The following MYO16 variants were observed in gnomAD, a reference collection of about 807,000 sequenced individuals.
MYO16 encodes unconventional myosin-XVI.
A neutral mutation model predicts 205.3 loss-of-function variants in MYO16; 94 were observed. The observed-to-expected ratio is 0.46, with a 90% CI of 0.39 to 0.54. The LOEUF is 0.54. Ranked by LOEUF, MYO16 falls within the 20% of genes least tolerant of loss-of-function variation. The probability of loss-of-function intolerance (pLI) is 0.00; values close to 1 mark genes in which losing one functional copy is unlikely to be tolerated. For missense variants in MYO16, 2,315 were observed against 2,387.5 expected (o/e 0.97, Z 0.63); for synonymous variants, 988 against 954.0 (o/e 1.04, Z -0.66).
At chr13:108,843,765 AAAGTT>A (rs1255036070) in intron 9 of MYO16, among the ~76,000 whole-genome samples, 1 of 152,186 alleles carries the variant, frequency 6.6e-6, no homozygotes, top group Non-Finnish European at 1.5e-5. Flanking sequence ...AGAAAAATAA[AAAGTT>A]AAGTATCTTT....
chr13:108,712,534 A>G, intron 2 of MYO16, 127 bp from the exon 3 acceptor site: 1 of 789,458 alleles, frequency 1.3e-6, no homozygotes, highest in South Asian at 1.4e-5. Flanking sequence ...GTCAGATGGC[A>G]CAGAAGCCGT....
chr13:109,066,992 G>T (rs924126867), intron 27 of MYO16, among the ~76,000 whole-genome samples: 1 of 152,082 alleles, frequency 6.6e-6, no homozygotes, highest in Non-Finnish European at 1.5e-5. Flanking sequence ...CCACTCATTC[G>T]TTCATCATTC....
At chr13:108,785,528 G>A (rs948952076) in intron 4 of MYO16, 107 bp from the exon 5 acceptor site, 12 of 586,408 alleles carry the variant, frequency 2.0e-5, no homozygotes, top group South Asian at 8.3e-5. Flanking sequence ...GATATCTACC[G>A]TAGACTATTT....
chr13:108,790,863 A>T (rs1487060646), intron 5 of MYO16, among the ~76,000 whole-genome samples: 1 of 152,178 alleles, frequency 6.6e-6, no homozygotes, highest in African/African-American at 2.4e-5. Context: ...GTGATGTCTT[A>T]TCTCTGTTTT....
intron 16 of MYO16, among the ~76,000 whole-genome samples, chr13:108,948,931 A>C (rs1012451166): frequency 1.3e-5 from 2 of 152,228 alleles, no homozygotes; most frequent in Non-Finnish European, 2.9e-5. Flanking sequence ...TGGCTATGTT[A>C]TGGACTCACT....
intron 4 of MYO16, among the ~76,000 whole-genome samples, chr13:108,763,779 A>C (rs1408579101): frequency 7.4e-6 from 1 of 135,404 alleles, no homozygotes. Context: ...GGGGAGAGAG[A>C]AAAGGAGTTG....
chr13:108,881,379 C>T (rs1879608588), intron 12 of MYO16, among the ~76,000 whole-genome samples: 1 of 152,162 alleles, frequency 6.6e-6, no homozygotes, highest in Non-Finnish European at 1.5e-5. Context: ...AATCAGAGCG[C>T]TTCTTCTCTT....
the MYO16 span, among the ~76,000 whole-genome samples, chr13:108,525,982 AGAAAGACACCAGCTGGT>A: frequency 6.7e-6 from 1 of 148,812 alleles, no homozygotes; most frequent in Admixed American, 6.7e-5. Flanking sequence ...AGGAGAGATG[AGAAAGACACCAGCTGGT>A]GAATGCAGAA....
chr13:108,685,838 T>C (rs375228980), intron 2 of MYO16, among the ~76,000 whole-genome samples: 1 of 152,214 alleles, frequency 6.6e-6, no homozygotes, highest in East Asian at 1.9e-4. Context: ...TCTTCACATG[T>C]TCATCCTCTG....
rs887097604 is a variant in MYO16 at position 109,034,314 on chromosome 13, C to T, written c.2797-12602C>T. Among the ~76,000 whole-genome samples the T allele has an allele frequency of 2.6e-5, 4 of 152,322 alleles. No homozygotes were observed. The East Asian group carries it at 7.7e-4, about 29-fold the overall frequency. On this transcript the variant is annotated intron_variant, in intron 23 of 34. Coordinates refer to ENST00000457511, the MANE Select transcript of MYO16 (RefSeq NM_001198950.3). ...CATCTTGAATTGTAATCTCCATAATCCCCAAAGGAGAGACCAGGTGGAGGT... is the reference window on the plus strand; with the variant it reads ...CATCTTGAATTGTAATCTCCATAATTCCCAAAGGAGAGACCAGGTGGAGGT...
At chr13:109,117,438 GTATATATATGTA>G (rs1027107258) in intron 28 of MYO16, among the ~76,000 whole-genome samples, 6 of 141,316 alleles carry the variant, frequency 4.2e-5, no homozygotes, top group South Asian at 2.3e-4. Context: ...GTATATATAT[GTATATATATGTA>G]TATATATGTA....
At chr13:108,799,805 T>C (rs999767046) in intron 6 of MYO16, among the ~76,000 whole-genome samples, 1 of 152,062 alleles carries the variant, frequency 6.6e-6, no homozygotes, top group African/African-American at 2.4e-5. Flanking sequence ...TGGGTTACTA[T>C]TTTTCCTCTT....
At chr13:108,776,953 T>TCACAGACA (rs1178042355) in intron 4 of MYO16, among the ~76,000 whole-genome samples, 1 of 152,098 alleles carries the variant, frequency 6.6e-6, no homozygotes, top group African/African-American at 2.4e-5. Flanking sequence ...CTTGAGAGCA[T>TCACAGACA]CACAGACACA....
chr13:109,050,204 T>G (rs982582258), intron 24 of MYO16, among the ~76,000 whole-genome samples: 4 of 152,184 alleles, frequency 2.6e-5, no homozygotes, highest in African/African-American at 9.7e-5. Context: ...GATCATTGAT[T>G]GCATTTAGTT....
intron 16 of MYO16, among the ~76,000 whole-genome samples, chr13:108,929,542 C>T (rs992498267): frequency 9.2e-5 from 14 of 152,322 alleles, no homozygotes; most frequent in African/African-American, 3.4e-4. Flanking sequence ...GTGCATAACA[C>T]ACCATCATAC....
upstream of MYO16, among the ~76,000 whole-genome samples, chr13:108,594,646 T>C (rs960246117): frequency 6.6e-6 from 1 of 152,252 alleles, no homozygotes; most frequent in Admixed American, 6.5e-5. Context: ...ACTTCGGTGC[T>C]GGATAATTTC....
the MYO16 span, among the ~76,000 whole-genome samples, chr13:108,555,752 C>T: frequency 6.6e-6 from 1 of 152,178 alleles, no homozygotes; most frequent in Non-Finnish European, 1.5e-5. Flanking sequence ...CCCTCCTCCT[C>T]CTCCCCTTAC....
Position 108,888,403 on chromosome 13 carries a change from A to G in MYO16, c.1585A>G (p.Ser529Gly). Reference sequence around the variant, plus strand: ...AAGGGGATCAGGAAAGTCTGAAGCCAGCAAACAAATCATAAGACACCTCAC... The same window carrying G: ...AAGGGGATCAGGAAAGTCTGAAGCCGGCAAACAAATCATAAGACACCTCAC... ...GERGSGKSEA[S>G]KQIIRHLTCR... The change falls in exon 14 of 35, where the codon AGC becomes GGC. Residue 529 changes from serine (S) to glycine (G), a missense_variant. Transcript: ENST00000457511. The G allele has an allele frequency of 1.2e-6, 2 of 1,606,892 alleles. No individual in the cohort carries two copies. The highest frequency in any genetic ancestry group is 2.2e-5 in the South Asian group (2 of 89,586).
chr13:108,972,356 A>C (rs866591963), intron 20 of MYO16, among the ~76,000 whole-genome samples: 896 of 17,172 alleles, frequency 0.052, 268 homozygotes, highest in African/African-American at 0.12. Context: ...ATAGCCATAT[A>C]TATATATATA....
Sources: allele counts gnomAD v4.1 joint callset (sites outside exome capture counted in the v4.1 genomes callset), GRCh38; gene constraint gnomAD v4.1.1; transcripts MANE v1.5; gene names NCBI Gene and HGNC (gene_info 2026-07-23, HGNC 2026-07-21).